PRKG1: variants seen among roughly 807,000 people sequenced by gnomAD.
The protein encoded by PRKG1 is cGMP-dependent protein kinase 1.
In PRKG1, 35 loss-of-function variants were observed where a neutral mutation model predicts 88.1. The observed-to-expected ratio is 0.40, with a 90% CI of 0.30 to 0.53. PRKG1 has a LOEUF of 0.53. Ranked by LOEUF, PRKG1 falls within the 20% of genes least tolerant of loss-of-function variation. PRKG1 has a pLI of 0.59. For synonymous variants in PRKG1, 303 were observed against 292.5 expected (o/e 1.04, Z -0.37); for missense variants, 540 against 839.8 (o/e 0.64, Z 4.41).
chr10:52,108,203 T>C (rs978131160), intron 7 of PRKG1, among the ~76,000 whole-genome samples: 4 of 152,228 alleles, frequency 2.6e-5, no homozygotes, highest in Admixed American at 1.3e-4. Flanking sequence ...TTCCCACTCA[T>C]ATTTCATCCT....
At chr10:51,026,523 C>T (rs890947528) in intron 1 of PRKG1, among the ~76,000 whole-genome samples, 1 of 152,166 alleles carries the variant, frequency 6.6e-6, no homozygotes, top group Non-Finnish European at 1.5e-5. Context: ...GAACCTAGTG[C>T]CAATCAGCCA....
intron 7 of PRKG1, among the ~76,000 whole-genome samples, chr10:52,066,593 G>T (rs929166283): frequency 1.3e-5 from 2 of 152,146 alleles, no homozygotes; most frequent in African/African-American, 4.8e-5. Context: ...ACCATGGGGG[G>T]CAGGCTAGCG....
In PRKG1 at chr10:51,666,240, A is replaced by T. The variant is rs74659069; in HGVS notation, c.593-138345A>T. On this transcript the variant is annotated intron_variant, in intron 3 of 17. Coordinates refer to ENST00000373980, the MANE Select transcript of PRKG1 (RefSeq NM_006258.4). ...TTGCTAGGGCACAATCTCTGCTGCT[A>T]AAATGTAGATGTCAATAGAAATCAA... Among the ~76,000 whole-genome samples, 803 of 152,348 alleles carry T rather than the reference A, an allele frequency of 5.3e-3. 7 individuals carry two copies. The highest frequency in any genetic ancestry group is 0.019 in the African/African-American group (772 of 41,588).
intron 3 of PRKG1, among the ~76,000 whole-genome samples, chr10:51,642,472 C>T (rs1317954928): frequency 6.6e-6 from 1 of 152,122 alleles, no homozygotes; most frequent in African/African-American, 2.4e-5. Flanking sequence ...TGTCACTGAA[C>T]CTGCTATTCA....
chr10:51,248,103 T>G (rs1274843382), intron 2 of PRKG1, among the ~76,000 whole-genome samples: 1 of 151,864 alleles, frequency 6.6e-6, no homozygotes, highest in Non-Finnish European at 1.5e-5. Flanking sequence ...AGGACTGAAT[T>G]TATCTGTGGC....
chr10:51,733,763 A>G lies in PRKG1; in HGVS notation c.593-70822A>G, dbSNP rs76450158. On this transcript the variant is annotated intron_variant, in intron 3 of 17. Transcript: ENST00000373980. ...TGTAATGGGTGAGCTGCCAACAGTCATGATGCTAGCACTTTTGATCCTGCA... is the reference window on the plus strand; with the variant it reads ...TGTAATGGGTGAGCTGCCAACAGTCGTGATGCTAGCACTTTTGATCCTGCA... 8.9e-3 allele frequency among the ~76,000 whole-genome samples: 1,353 copies of G among 152,312 alleles called. 19 individuals carry two copies. Among genetic ancestry groups the G allele is most frequent in the African/African-American group, 0.028 (1,175 of 41,570 alleles).
intron 5 of PRKG1, among the ~76,000 whole-genome samples, chr10:51,929,346 C>CTTTTTTT (rs67175480): frequency 1.8e-5 from 2 of 109,670 alleles, no homozygotes; most frequent in Non-Finnish European, 1.8e-5. Flanking sequence ...GAATTCCTTC[C>CTTTTTTT]TTTTTTTTTT....
chr10:52,226,097 C>T (rs1840383310), intron 9 of PRKG1, among the ~76,000 whole-genome samples: 1 of 150,316 alleles, frequency 6.7e-6, no homozygotes, highest in African/African-American at 2.5e-5. Context: ...CAGTGCCTGG[C>T]ATATGCTTAT....
rs920529328 is a variant in PRKG1, at chr10:51,098,987, C to A, written c.311+24086C>A. Among the ~76,000 whole-genome samples the A allele has an allele frequency of 4.6e-5, 7 of 152,186 alleles. No homozygotes were observed. In the East Asian group the frequency reaches 1.3e-3, roughly 29 times the overall value. On this transcript the variant is annotated intron_variant, in intron 1 of 17. Transcript: ENST00000373980. Reference sequence around the variant, plus strand: ...AGAGCACAAAAGCCTAGCTCCCTTGCCTCAGAGAGTTGTAATTTTTCCTCC... The same window carrying A: ...AGAGCACAAAAGCCTAGCTCCCTTGACTCAGAGAGTTGTAATTTTTCCTCC...
chr10:51,394,802 G>A (rs1837533025), intron 2 of PRKG1, among the ~76,000 whole-genome samples: 1 of 152,124 alleles, frequency 6.6e-6, no homozygotes, highest in Non-Finnish European at 1.5e-5. Flanking sequence ...GAAATAACTG[G>A]GGTATCAATC....
rs554779074 is a variant in PRKG1, at chr10:52,287,315, A to G, written c.1710-1411A>G. ...ACATTTTTCAAGTGATTTAAAATTG[A>G]TAGGCAATTACTAGCTAATGACATA... On this transcript the variant is annotated intron_variant, in intron 14 of 17. Transcript: ENST00000373980. Among the ~76,000 whole-genome samples the G allele has an allele frequency of 1.5e-4, 23 of 152,244 alleles. 1 individual carries two copies. The highest frequency in any genetic ancestry group is 5.5e-4 in the African/African-American group (23 of 41,578).
At chr10:51,463,484 A>T (rs1839798714) in intron 2 of PRKG1, among the ~76,000 whole-genome samples, 1 of 152,218 alleles carries the variant, frequency 6.6e-6, no homozygotes, top group Admixed American at 6.5e-5. Flanking sequence ...TAGCCACAGA[A>T]TGAAAAAGAA....
intron 2 of PRKG1, among the ~76,000 whole-genome samples, chr10:51,407,468 T>C (rs1043851573): frequency 5.9e-5 from 9 of 152,172 alleles, no homozygotes. Flanking sequence ...ATGAAGATAT[T>C]TTCTTGGTAC....
Position 52,046,374 on chromosome 10 carries a change from C to A in PRKG1, c.763-8110C>A, listed in dbSNP as rs151208936. On this transcript the variant is annotated intron_variant, in intron 5 of 17. Coordinates refer to ENST00000373980, the MANE Select transcript of PRKG1 (RefSeq NM_006258.4). ...TGTTCTCTACACATGGAAAGCCCTT[C>A]CCCCTTCTTCCCCATCCAGTGAGGA... Among the ~76,000 whole-genome samples, 185 of 152,166 alleles carry A rather than the reference C, an allele frequency of 1.2e-3. 1 individual carries two copies. The highest frequency in any genetic ancestry group is 4.3e-3 in the African/African-American group (179 of 41,524).
At chr10:51,026,788 G>T (rs1843212473) in intron 1 of PRKG1, among the ~76,000 whole-genome samples, 1 of 152,138 alleles carries the variant, frequency 6.6e-6, no homozygotes. Context: ...AAAAGGCAGA[G>T]AACTAAGATT....
intron 1 of PRKG1, among the ~76,000 whole-genome samples, chr10:51,027,961 C>G (rs1341457762): frequency 6.6e-6 from 1 of 152,158 alleles, no homozygotes; most frequent in African/African-American, 2.4e-5. Context: ...TGATTTCTCT[C>G]TGGTAGATAA....
At chr10:51,562,760 A>T (rs1231281296) in intron 3 of PRKG1, among the ~76,000 whole-genome samples, 4 of 152,006 alleles carry the variant, frequency 2.6e-5, no homozygotes, top group African/African-American at 9.7e-5. Flanking sequence ...AAATGTAAGC[A>T]TCATACTTTA....
At chr10:51,007,675 C>G (rs1217408827) in intron 1 of PRKG1, among the ~76,000 whole-genome samples, 1 of 152,164 alleles carries the variant, frequency 6.6e-6, no homozygotes, top group Non-Finnish European at 1.5e-5. Context: ...GAAGGCCCAC[C>G]TGAAACTAAC....
In PRKG1 at chr10:51,126,034, A is replaced by T. The variant is rs1436660943; in HGVS notation, c.312-27130A>T. On this transcript the variant is annotated intron_variant, in intron 1 of 17. Coordinates refer to ENST00000373980, the MANE Select transcript of PRKG1 (RefSeq NM_006258.4). ...ATATAATTTATTTATATATAATTAT[A>T]TCTAATATACTATATATAATTATAT... 2.4e-5 allele frequency among the ~76,000 whole-genome samples: 3 copies of T among 124,228 alleles called. No individual in the cohort carries two copies. The East Asian group carries it at 7.1e-4, about 29-fold the overall frequency. The allele number at this position is 124,228 out of a possible 152,430, so 81.5% of individuals were successfully genotyped here. A position where few individuals can be genotyped will look rare whatever the true frequency, so the allele number is the denominator to read the frequency against.
Sources: allele counts gnomAD v4.1 joint callset (sites outside exome capture counted in the v4.1 genomes callset), GRCh38; gene constraint gnomAD v4.1.1; transcripts MANE v1.5; gene names NCBI Gene and HGNC (gene_info 2026-07-23, HGNC 2026-07-21).